Variants in FOXP2 observed in about 807,000 individuals in gnomAD.
FOXP2 encodes the protein forkhead box P2.
A neutral mutation model predicts 115.8 loss-of-function variants in FOXP2; 12 were observed. The ratio of observed to expected loss-of-function variants is 0.10; its 90% CI spans 0.07 to 0.17. FOXP2 has a LOEUF of 0.17. FOXP2 is among the 10% of genes least tolerant of loss of function. The pLI is 1.00. For synonymous variants in FOXP2, 328 were observed against 297.7 expected (o/e 1.10, Z -1.05); for missense variants, 629 against 843.5 (o/e 0.75, Z 3.15).
chr7:114,196,516 A>T (rs1793911857), intron 1 of FOXP2, among the ~76,000 whole-genome samples: 1 of 152,210 alleles, frequency 6.6e-6, no homozygotes, highest in Non-Finnish European at 1.5e-5. Context: ...TTCACATCTT[A>T]TAAATTTAGT....
intron 1 of FOXP2, among the ~76,000 whole-genome samples, chr7:114,271,875 A>T (rs1424322213): frequency 1.6e-5 from 2 of 125,986 alleles, no homozygotes; most frequent in South Asian, 2.2e-4. Flanking sequence ...TTATAATATG[A>T]TTATTAATTA....
At chr7:114,685,254 C>G (rs1315449626) in intron 16 of FOXP2, among the ~76,000 whole-genome samples, 1 of 152,120 alleles carries the variant, frequency 6.6e-6, no homozygotes, top group Non-Finnish European at 1.5e-5. Flanking sequence ...TACCTACAAA[C>G]TAGTCATATG....
chr7:114,392,641 C>T (rs1225422799), intron 2 of FOXP2, among the ~76,000 whole-genome samples: 2 of 152,176 alleles, frequency 1.3e-5, no homozygotes, highest in Non-Finnish European at 2.9e-5. Context: ...TCTGATGTCT[C>T]TGGTCTTCTT....
chr7:114,594,086 A>G (rs1802574737), intron 3 of FOXP2, among the ~76,000 whole-genome samples: 3 of 152,072 alleles, frequency 2.0e-5, no homozygotes, highest in Non-Finnish European at 4.4e-5. Context: ...AAAACAAAAA[A>G]TAACAGTTGG....
chr7:114,620,198 A>G, intron 3 of FOXP2, among the ~76,000 whole-genome samples: 1 of 152,030 alleles, frequency 6.6e-6, no homozygotes, highest in East Asian at 1.9e-4. Context: ...CTACACTACA[A>G]AAGAACTTGA....
intron 2 of FOXP2, among the ~76,000 whole-genome samples, chr7:114,363,699 CT>C (rs1791807244): frequency 6.6e-6 from 1 of 151,978 alleles, no homozygotes; most frequent in East Asian, 1.9e-4. Flanking sequence ...TTTTTAAACT[CT>C]TACGTGATCT....
rs574832747 is a variant in FOXP2, at chr7:114,386,036, T to G, written c.-10-40466T>G. On this transcript the variant is annotated intron_variant, in intron 2 of 17. Transcript: ENST00000634411. Reference sequence around the variant, plus strand: ...TTAGGACGAACCCAGGCACTTAACGTTGCAGGAACAATGGCAAGCCTTTAG... The same window carrying G: ...TTAGGACGAACCCAGGCACTTAACGGTGCAGGAACAATGGCAAGCCTTTAG... Among the ~76,000 whole-genome samples the G allele has an allele frequency of 4.9e-4, 74 of 152,296 alleles. No homozygotes were observed. In the South Asian group the frequency reaches 0.015, roughly 31 times the overall value.
intron 2 of FOXP2, among the ~76,000 whole-genome samples, chr7:114,396,740 C>G (rs1424252209): frequency 6.6e-6 from 1 of 151,620 alleles, no homozygotes; most frequent in Non-Finnish European, 1.5e-5. Context: ...AGACAGCAGG[C>G]ATAAGTTTGA....
intron 1 of FOXP2, among the ~76,000 whole-genome samples, chr7:114,419,258 A>G (rs1793490822): frequency 6.6e-6 from 1 of 151,994 alleles, no homozygotes; most frequent in East Asian, 1.9e-4. Context: ...TGGCAGCAAT[A>G]GTGAATTCAT....
intron 1 of FOXP2, among the ~76,000 whole-genome samples, chr7:114,269,050 C>A (rs958980151): frequency 1.1e-4 from 16 of 151,976 alleles, no homozygotes; most frequent in African/African-American, 3.9e-4. Flanking sequence ...CTTTGTTTCA[C>A]CTGAAGAAAT....
At chr7:114,575,122 T>C (rs1032153505) in intron 3 of FOXP2, among the ~76,000 whole-genome samples, 3 of 151,908 alleles carry the variant, frequency 2.0e-5, no homozygotes, top group Non-Finnish European at 4.4e-5. Context: ...TAATCCACCC[T>C]GTGGGCTCTA....
chr7:114,490,901 A>G (rs923386319), intron 2 of FOXP2, among the ~76,000 whole-genome samples: 2 of 152,116 alleles, frequency 1.3e-5, no homozygotes, highest in African/African-American at 2.4e-5. Context: ...AATCCAGTCT[A>G]TCATTGTTGA....
chr7:114,140,735 A>G (rs1048445712), intron 1 of FOXP2, among the ~76,000 whole-genome samples: 3 of 152,186 alleles, frequency 2.0e-5, no homozygotes, highest in Admixed American at 6.5e-5. Context: ...TTTGGAGAAC[A>G]GCTTGGGTTA....
intron 3 of FOXP2, among the ~76,000 whole-genome samples, chr7:114,592,197 G>A (rs1268520408): frequency 6.6e-6 from 1 of 151,936 alleles, no homozygotes; most frequent in East Asian, 1.9e-4. Context: ...TTCTATTTTT[G>A]TGGCACTATT....
chr7:114,493,366 C>T (rs188008200), intron 2 of FOXP2, among the ~76,000 whole-genome samples: 2 of 151,920 alleles, frequency 1.3e-5, no homozygotes, highest in African/African-American at 4.8e-5. Flanking sequence ...TTTCCAAACC[C>T]ATAGAATGTA....
At chr7:114,317,583 G>GCTT (rs1342343060) in intron 2 of FOXP2, among the ~76,000 whole-genome samples, 1 of 152,084 alleles carries the variant, frequency 6.6e-6, no homozygotes, top group Non-Finnish European at 1.5e-5. Flanking sequence ...TTTTGCCATA[G>GCTT]CTTCTAGTTA....
chr7:114,241,684 A>AATGTT (rs1428096315), intron 1 of FOXP2, among the ~76,000 whole-genome samples: 1 of 152,100 alleles, frequency 6.6e-6, no homozygotes, highest in African/African-American at 2.4e-5. Context: ...ATGTGGTTAT[A>AATGTT]ATGTTGGGCA....
intron 1 of FOXP2, among the ~76,000 whole-genome samples, chr7:114,097,575 G>A (rs1799678265): frequency 6.6e-6 from 1 of 152,090 alleles, no homozygotes; most frequent in Non-Finnish European, 1.5e-5. Flanking sequence ...TTATTAGCAG[G>A]TGCTTGGCTT....
chr7:114,213,757 T>A (rs1794416373), intron 1 of FOXP2, among the ~76,000 whole-genome samples: 1 of 152,154 alleles, frequency 6.6e-6, no homozygotes, highest in African/African-American at 2.4e-5. Context: ...AAACTACATA[T>A]AATAGTATAA....
Sources: allele counts gnomAD v4.1 joint callset (sites outside exome capture counted in the v4.1 genomes callset), GRCh38; gene constraint gnomAD v4.1.1; transcripts MANE v1.5; gene names NCBI Gene and HGNC (gene_info 2026-07-23, HGNC 2026-07-21).